Variants in DLG2 observed in about 807,000 individuals in gnomAD.
The protein encoded by DLG2 is disks large homolog 2.
DLG2 carries 45 observed loss-of-function variants against 132.5 expected under a neutral mutation model. That is an observed-to-expected ratio of 0.34 (90% CI 0.27 to 0.44). The LOEUF (loss-of-function observed/expected upper bound fraction) is 0.44, where lower values mean the gene tolerates loss of function less well. Ranked by LOEUF, DLG2 falls within the 20% of genes least tolerant of loss-of-function variation. DLG2 has a pLI of 1.00. For synonymous variants in DLG2, 424 were observed against 419.6 expected, an observed-to-expected ratio of 1.01 and a Z score of -0.13; for missense variants, 1,045 against 1,196.9, an observed-to-expected ratio of 0.87 and a Z score of 1.87.
intron 7 of DLG2, among the ~76,000 whole-genome samples, chr11:84,432,951 G>C (rs569296106): frequency 6.6e-6 from 1 of 152,254 alleles, no homozygotes; most frequent in East Asian, 1.9e-4. Context: ...TTGAACCCAA[G>C]AGGCAGAGGT....
chr11:84,739,212 A>G (rs1311303473), intron 6 of DLG2, among the ~76,000 whole-genome samples: 1 of 152,192 alleles, frequency 6.6e-6, no homozygotes, highest in Non-Finnish European at 1.5e-5. Context: ...AATTCAACTC[A>G]ATAATATAGA....
intron 3 of DLG2, among the ~76,000 whole-genome samples, chr11:85,296,984 A>C (rs2079271283): frequency 6.6e-6 from 1 of 150,974 alleles, no homozygotes; most frequent in South Asian, 2.1e-4. Context: ...TATCATATAC[A>C]TATCATTATA....
At chr11:85,360,847 C>T (rs1254843217) in intron 3 of DLG2, among the ~76,000 whole-genome samples, 2 of 152,092 alleles carry the variant, frequency 1.3e-5, no homozygotes, top group African/African-American at 2.4e-5. Flanking sequence ...AGTCTTCATA[C>T]AAGTGAGGAA....
chr11:85,179,030 A>G (rs1002290281), intron 4 of DLG2, among the ~76,000 whole-genome samples: 1 of 151,976 alleles, frequency 6.6e-6, no homozygotes, highest in African/African-American at 2.4e-5. Flanking sequence ...GGCAGTGTAC[A>G]TACATAAAAT....
chr11:83,573,686 AT>A (rs1013889598), intron 19 of DLG2, among the ~76,000 whole-genome samples: 2 of 152,166 alleles, frequency 1.3e-5, no homozygotes, highest in African/African-American at 4.8e-5. Context: ...ATTTATTTTC[AT>A]TTTAGCATCA....
intron 8 of DLG2, among the ~76,000 whole-genome samples, chr11:84,180,964 T>C (rs915207233): frequency 6.6e-6 from 1 of 151,680 alleles, no homozygotes; most frequent in African/African-American, 2.4e-5. Flanking sequence ...GAAACATTGA[T>C]CTACATAAAG....
intron 3 of DLG2, among the ~76,000 whole-genome samples, chr11:85,496,101 C>T (rs968700195): frequency 6.6e-6 from 1 of 152,198 alleles, no homozygotes; most frequent in African/African-American, 2.4e-5. Context: ...CACGGTGTCA[C>T]ATCACACAGG....
At position 83,623,906 on chromosome 11, in the gene DLG2, AC is replaced by A. The variant is rs796410807; in HGVS notation, c.1940+9304del. Among the ~76,000 whole-genome samples, 137 of 151,674 alleles carry A rather than the reference AC, an allele frequency of 9.0e-4. 1 individual carries two copies. Among genetic ancestry groups the A allele is most frequent in the African/African-American group, 2.7e-3 (109 of 41,070 alleles). ...GTGAGCATTCTGTGTCTTACTTTTT[AC>A]TATTCTGTTCTCCTTTTTAGCTAGA... On this transcript the variant is annotated intron_variant, in intron 19 of 27. Coordinates refer to ENST00000376104, the MANE Select transcript of DLG2 (RefSeq NM_001142699.3).
chr11:84,488,786 A>G (rs184569107), intron 7 of DLG2, among the ~76,000 whole-genome samples: 1 of 152,260 alleles, frequency 6.6e-6, no homozygotes, highest in Non-Finnish European at 1.5e-5. Flanking sequence ...AGACCTGGTA[A>G]AACTAATAAA....
chr11:85,175,973 C>T (rs1284714976), intron 4 of DLG2, among the ~76,000 whole-genome samples: 7 of 152,038 alleles, frequency 4.6e-5, no homozygotes. Flanking sequence ...AGGACAAAAA[C>T]AAATGAAAAA....
intron 7 of DLG2, among the ~76,000 whole-genome samples, chr11:84,327,465 T>C (rs1348298709): frequency 6.6e-6 from 1 of 152,190 alleles, no homozygotes; most frequent in Admixed American, 6.5e-5. Flanking sequence ...AGTAATTATA[T>C]ATTGATAAGG....
chr11:84,333,938 G>A (rs1398549926), intron 7 of DLG2, among the ~76,000 whole-genome samples: 4 of 152,180 alleles, frequency 2.6e-5, no homozygotes, highest in Admixed American at 6.5e-5. Context: ...AGTTGAAGAC[G>A]TGAGTGTCAT....
At chr11:85,048,487 C>T (rs552273071) in intron 6 of DLG2, among the ~76,000 whole-genome samples, 1 of 152,072 alleles carries the variant, frequency 6.6e-6, no homozygotes, top group South Asian at 2.1e-4. Flanking sequence ...TGCAATCATA[C>T]ATTGTCTTTT....
In DLG2 at chr11:84,904,533, C is replaced by T. The variant is rs148660665; in HGVS notation, c.357+207128G>A. On this transcript the variant is annotated intron_variant, in intron 6 of 27. Transcript: ENST00000376104. ...ATGCTTTCCTACTGTCACACATTGC[C>T]GTTCGCTACTTCTTTTGCTAGAAAT... is the stretch of plus-strand genomic sequence containing the variant. 2.1e-3 allele frequency among the ~76,000 whole-genome samples: 314 copies of T among 152,242 alleles called. 4 individuals carry two copies. The highest frequency in any genetic ancestry group is 2.7e-3 in the East Asian group (14 of 5,174).
chr11:83,561,225 T>C (rs1157517901), intron 19 of DLG2, among the ~76,000 whole-genome samples: 1 of 152,176 alleles, frequency 6.6e-6, no homozygotes, highest in Non-Finnish European at 1.5e-5. Flanking sequence ...GGGGTTCCAA[T>C]TCAACATGAG....
At chr11:83,686,921 T>A (rs2079895023) in intron 18 of DLG2, among the ~76,000 whole-genome samples, 1 of 152,156 alleles carries the variant, frequency 6.6e-6, no homozygotes, top group South Asian at 2.1e-4. Context: ...TTGTTGCAGA[T>A]GTTATTAGTT....
chr11:85,016,066 A>G (rs929784591), intron 6 of DLG2, among the ~76,000 whole-genome samples: 6 of 152,166 alleles, frequency 3.9e-5, no homozygotes, highest in Non-Finnish European at 8.8e-5. Context: ...AAAAAAAACT[A>G]TAGGTAAAAA....
intron 3 of DLG2, among the ~76,000 whole-genome samples, chr11:85,594,264 T>C (rs1258101174): frequency 1.3e-5 from 2 of 152,292 alleles, no homozygotes; most frequent in East Asian, 1.9e-4. Context: ...ATCACCCCTA[T>C]TGCTAGTAAT....
At chr11:84,337,495 A>G (rs2098491828) in intron 7 of DLG2, among the ~76,000 whole-genome samples, 1 of 152,166 alleles carries the variant, frequency 6.6e-6, no homozygotes, top group Admixed American at 6.5e-5. Context: ...TTCTATGTGT[A>G]TATATTTTTT....
Sources: gnomAD v4.1 joint callset for allele counts (sites outside exome capture counted in the v4.1 genomes callset) on GRCh38, gnomAD v4.1.1 for gene constraint, MANE v1.5 for transcripts, NCBI Gene and HGNC (gene_info 2026-07-23, HGNC 2026-07-21) for gene names.